The following SLMAP variants were observed in gnomAD, a reference collection of about 807,000 sequenced individuals.
The protein encoded by SLMAP is sarcolemmal membrane-associated protein.
A neutral mutation model predicts 128.8 loss-of-function variants in SLMAP; 44 were observed. That is an observed-to-expected ratio of 0.34 (90% CI 0.27 to 0.44). The LOEUF (loss-of-function observed/expected upper bound fraction) is 0.44. Ranked by LOEUF, SLMAP falls within the 20% of genes least tolerant of loss-of-function variation. SLMAP has a pLI of 1.00. For synonymous variants in SLMAP, 327 were observed against 348.8 expected (o/e 0.94, Z 0.70); for missense variants, 787 against 985.3 (o/e 0.80, Z 2.69).
At chr3:57,851,495 T>C (rs530090113) in intron 6 of SLMAP, among the ~76,000 whole-genome samples, 57 of 150,300 alleles carry the variant, frequency 3.8e-4, no homozygotes, top group South Asian at 6.3e-4. Flanking sequence ...TTTTTTGAAA[T>C]GGACTTTCGC....
intron 2 of SLMAP, among the ~76,000 whole-genome samples, chr3:57,822,463 T>C (rs1174486823): frequency 2.6e-5 from 4 of 152,218 alleles, no homozygotes; most frequent in Non-Finnish European, 5.9e-5. Context: ...TGAGCTCGCA[T>C]GAACTGTCTG....
In SLMAP at chr3:57,896,865, C is replaced by G. The variant is rs759360753; in HGVS notation, c.1442-8C>G. On this transcript the variant is annotated splice_region_variant and splice_polypyrimidine_tract_variant and intron_variant, in intron 16 of 24. Transcript: ENST00000671191. ...GTAATTATATATGTATTTTTTTCCT[C>G]TCTGTAGACGCCCAAATGGATGAGC... The G allele has an allele frequency of 3.1e-6, 5 of 1,591,338 alleles. No individual in the cohort carries two copies. Among genetic ancestry groups the G allele is most frequent in the Admixed American group, 1.9e-5 (1 of 53,402 alleles).
intron 17 of SLMAP, among the ~76,000 whole-genome samples, chr3:57,904,075 C>G (rs559508711): frequency 6.6e-6 from 1 of 152,200 alleles, no homozygotes; most frequent in Non-Finnish European, 1.5e-5. Flanking sequence ...AAAAATGGCA[C>G]TTGGTTTTCT....
intron 6 of SLMAP, among the ~76,000 whole-genome samples, chr3:57,855,843 A>G (rs2094757239): frequency 6.6e-6 from 1 of 151,882 alleles, no homozygotes; most frequent in African/African-American, 2.4e-5. Flanking sequence ...CAGGAGTTCG[A>G]GACCAGCCTG....
intron 15 of SLMAP, among the ~76,000 whole-genome samples, chr3:57,895,589 C>T (rs1320116700): frequency 6.6e-6 from 1 of 152,024 alleles, no homozygotes; most frequent in Non-Finnish European, 1.5e-5. Context: ...CCACCTCAGC[C>T]TCCGAAAGTG....
intron 14 of SLMAP, among the ~76,000 whole-genome samples, chr3:57,877,831 CTTTTTT>C (rs57685937): frequency 6.3e-5 from 7 of 111,684 alleles, no homozygotes; most frequent in Admixed American, 3.8e-4. Context: ...TTTTTTCCTT[CTTTTTT>C]TTTTTTTTTT....
chr3:57,831,449 T>G lies in SLMAP; in HGVS notation c.265T>G (p.Ser89Ala), dbSNP rs2153547258. Reference sequence around the variant, plus strand: ...AAATAGCCAGAGATTGAGTCGAGGCTCTGAAGAAAGTCCACCATGTGAAAT... The same window carrying G: ...AAATAGCCAGAGATTGAGTCGAGGCGCTGAAGAAAGTCCACCATGTGAAAT... ...FINSQRLSRG[S>A]EESPPCEILS... Residue 89 changes from serine to alanine, a missense_variant, in exon 3 of 25, where the codon TCT becomes GCT. By Grantham distance (99) the Ser-to-Ala change is moderately conservative. Around this residue, in one of 2 missense-constraint regions of SLMAP, gnomAD observed 72 missense variants for 141.8 expected, o/e 0.51. Coordinates refer to ENST00000671191, the MANE Select transcript of SLMAP (RefSeq NM_001377540.1). The G allele has an allele frequency of 6.3e-7, 1 of 1,598,482 alleles. No homozygotes were observed. Among genetic ancestry groups the G allele is most frequent in the Non-Finnish European group, 8.5e-7 (1 of 1,171,364 alleles).
chr3:57,814,180 T>C (rs1038361447), intron 2 of SLMAP, among the ~76,000 whole-genome samples: 1 of 151,990 alleles, frequency 6.6e-6, no homozygotes, highest in Non-Finnish European at 1.5e-5. Flanking sequence ...TCCGAGGGTG[T>C]CCTTCAGTTG....
At chr3:57,790,133 A>G (rs1425361732) in intron 2 of SLMAP, among the ~76,000 whole-genome samples, 1 of 152,218 alleles carries the variant, frequency 6.6e-6, no homozygotes, top group Non-Finnish European at 1.5e-5. Context: ...CACCATGCCC[A>G]GCCAATCATG....
At chr3:57,926,018 C>T (rs1223368339) in intron 24 of SLMAP, 84 bp downstream of exon 24, 3 of 949,094 alleles carry the variant, frequency 3.2e-6, no homozygotes, top group Non-Finnish European at 5.0e-6. Context: ...ATGGCAAGAA[C>T]ACACAGGTAT....
chr3:57,828,580 C>T (rs1219099105), intron 2 of SLMAP, among the ~76,000 whole-genome samples: 1 of 152,096 alleles, frequency 6.6e-6, no homozygotes, highest in East Asian at 1.9e-4. Context: ...GGACCAGATC[C>T]TGTAGGGCTA....
intron 14 of SLMAP, among the ~76,000 whole-genome samples, chr3:57,877,595 T>G (rs990199397): frequency 5.9e-5 from 9 of 152,152 alleles, no homozygotes; most frequent in African/African-American, 2.2e-4. Flanking sequence ...TTATTCAATC[T>G]AAGATGTATT....
At chr3:57,909,266 C>A in intron 19 of SLMAP, 116 bp downstream of exon 19, 2 of 701,372 alleles carry the variant, frequency 2.9e-6, no homozygotes, top group Non-Finnish European at 2.4e-6. Context: ...ATTTGGGAGG[C>A]CGAGAAGGGT....
intron 2 of SLMAP, among the ~76,000 whole-genome samples, chr3:57,816,811 C>G (rs1192303141): frequency 6.6e-6 from 1 of 152,162 alleles, no homozygotes; most frequent in East Asian, 1.9e-4. Flanking sequence ...GCTATTTAAA[C>G]TGAACTTCAG....
chr3:57,906,356 C>T (rs2096563627), intron 17 of SLMAP, among the ~76,000 whole-genome samples: 1 of 98,328 alleles, frequency 1.0e-5, no homozygotes, highest in Non-Finnish European at 2.1e-5. Flanking sequence ...CTCTCTGTCG[C>T]CCAGGCTGGA....
chr3:57,860,683 A>T lies in SLMAP; in HGVS notation c.688-16A>T, dbSNP rs2095008559. 1 of 1,504,886 alleles carries T rather than the reference A, an allele frequency of 6.6e-7. No homozygotes were observed. Among genetic ancestry groups the T allele is most frequent in the African/African-American group, 1.4e-5 (1 of 69,778 alleles). 93.2% of individuals were successfully genotyped at this position (1,504,886 alleles called of 1,614,324 possible). A position where few individuals can be genotyped will look rare whatever the true frequency, so the allele number is the denominator to read the frequency against. On this transcript the variant is annotated splice_polypyrimidine_tract_variant and intron_variant, in intron 8 of 24. Transcript: ENST00000671191. The stretch of plus-strand genomic sequence containing the variant: ...AAAAATAACTTGTCTATAATTATAA[A>T]TATCTTTTATTGTAGAATCAAACAG...
At chr3:57,921,645 T>TA (rs2096921435) in intron 22 of SLMAP, among the ~76,000 whole-genome samples, 2 of 152,096 alleles carry the variant, frequency 1.3e-5, no homozygotes, top group African/African-American at 4.8e-5. Context: ...ACAAATAAAA[T>TA]AAAAATAAAA....
chr3:57,759,453 T>C (rs772125061), intron 2 of SLMAP, among the ~76,000 whole-genome samples: 1 of 152,128 alleles, frequency 6.6e-6, no homozygotes, highest in Non-Finnish European at 1.5e-5. Context: ...AATTTTGTAT[T>C]TTTAGTAGAG....
In SLMAP at chr3:57,829,643, C is replaced by A. The variant is rs9814503; in HGVS notation, c.199-1740C>A. Among the ~76,000 whole-genome samples the A allele has an allele frequency of 8.5e-5, 13 of 152,092 alleles. No homozygotes were observed. The South Asian group carries it at 2.7e-3, about 31-fold the overall frequency. Reference sequence around the variant, plus strand: ...ATATCAACACAATTTTCTAATTAATCGTCTGTAATTAGATATACAAACTGC... The same window carrying A: ...ATATCAACACAATTTTCTAATTAATAGTCTGTAATTAGATATACAAACTGC... On this transcript the variant is annotated intron_variant, in intron 2 of 24. Coordinates refer to ENST00000671191, the MANE Select transcript of SLMAP (RefSeq NM_001377540.1).
Sources: allele counts gnomAD v4.1 joint callset (sites outside exome capture counted in the v4.1 genomes callset), GRCh38; gene constraint gnomAD v4.1.1; regional missense constraint gnomAD v4.1.1; transcripts MANE v1.5; gene names NCBI Gene and HGNC (gene_info 2026-07-23, HGNC 2026-07-21).